Variants in HS3ST4 observed in about 807,000 individuals in gnomAD.
The protein encoded by HS3ST4 is heparan sulfate-glucosamine 3-sulfotransferase 4, also known as heparan sulfate glucosamine 3-O-sulfotransferase 4.
HS3ST4 carries 17 observed loss-of-function variants against 29.2 expected under a neutral mutation model. The observed-to-expected ratio is 0.58, with a 90% CI of 0.40 to 0.87. The LOEUF (loss-of-function observed/expected upper bound fraction) is 0.87. HS3ST4 is among the 40% of genes least tolerant of loss of function. HS3ST4 has a pLI of 0.00. For missense variants in HS3ST4, 627 were observed against 634.5 expected (o/e 0.99, Z 0.13); for synonymous variants, 314 against 285.7 (o/e 1.10, Z -1.00).
intron 1 of HS3ST4, among the ~76,000 whole-genome samples, chr16:25,989,459 C>T (rs1045108076): frequency 6.6e-6 from 1 of 152,142 alleles, no homozygotes; most frequent in Non-Finnish European, 1.5e-5. Flanking sequence ...AGGAAAGGTC[C>T]GATGGATTTC....
chr16:25,937,977 G>T (rs543191142), intron 1 of HS3ST4, among the ~76,000 whole-genome samples: 7 of 152,254 alleles, frequency 4.6e-5, no homozygotes, highest in African/African-American at 1.7e-4. Context: ...AGGGAAATGC[G>T]CAGGGTTGGA....
chr16:25,945,685 A>T (rs1018111034), intron 1 of HS3ST4, among the ~76,000 whole-genome samples: 1 of 152,182 alleles, frequency 6.6e-6, no homozygotes, highest in Non-Finnish European at 1.5e-5. Flanking sequence ...ATACCACTGC[A>T]GTTGATTTTG....
intron 1 of HS3ST4, among the ~76,000 whole-genome samples, chr16:25,847,990 G>C (rs1967482716): frequency 1.3e-5 from 2 of 152,036 alleles, no homozygotes; most frequent in South Asian, 4.1e-4. Flanking sequence ...TTTTATGTTT[G>C]TCTTTGAGAA....
chr16:25,799,822 A>G lies in HS3ST4; in HGVS notation c.734+106671A>G, dbSNP rs144364536. On this transcript the variant is annotated intron_variant, in intron 1 of 1. Transcript: ENST00000331351. Reference sequence around the variant, plus strand: ...GATAGTTCTGTCTGTCTGTCTATCTATCTATGTATCTACCCATCTATCTAT... The same window carrying G: ...GATAGTTCTGTCTGTCTGTCTATCTGTCTATGTATCTACCCATCTATCTAT... Among the ~76,000 whole-genome samples, 544 of 152,242 alleles carry G rather than the reference A, an allele frequency of 3.6e-3. 2 individuals are homozygous for G. The highest frequency in any genetic ancestry group is 0.012 in the African/African-American group (507 of 41,538).
At chr16:25,852,846 G>A (rs903720516) in intron 1 of HS3ST4, among the ~76,000 whole-genome samples, 4 of 151,970 alleles carry the variant, frequency 2.6e-5, no homozygotes, top group Non-Finnish European at 4.4e-5. Context: ...AATTTTTAAC[G>A]TTGAAGTTTT....
At chr16:25,750,748 G>A (rs559646637) in intron 1 of HS3ST4, among the ~76,000 whole-genome samples, 3 of 152,284 alleles carry the variant, frequency 2.0e-5, no homozygotes, top group South Asian at 4.1e-4. Context: ...GCATGTGAAC[G>A]TGTATGCCTG....
chr16:25,998,482 A>G (rs12446437), intron 1 of HS3ST4, among the ~76,000 whole-genome samples: 19,039 of 152,198 alleles, frequency 0.13, 1,561 homozygotes, highest in East Asian at 0.28. Context: ...AGGTGTGACT[A>G]CTTTCCTGGC....
chr16:26,010,024 A>G (rs975605402), intron 1 of HS3ST4, among the ~76,000 whole-genome samples: 16 of 152,142 alleles, frequency 1.1e-4, no homozygotes, highest in Admixed American at 8.5e-4. Context: ...TTCAACTAAC[A>G]TTTTAAGAAT....
At chr16:26,041,525 G>A (rs138581123) in intron 1 of HS3ST4, among the ~76,000 whole-genome samples, 165 of 152,200 alleles carry the variant, frequency 1.1e-3, no homozygotes, top group Admixed American at 8.6e-3. Context: ...AATCCTGTAG[G>A]TGATTCTGAT....
intron 1 of HS3ST4, among the ~76,000 whole-genome samples, chr16:25,854,495 G>T (rs1967554924): frequency 6.6e-6 from 1 of 152,068 alleles, no homozygotes; most frequent in Non-Finnish European, 1.5e-5. Context: ...TATCAGCAAG[G>T]TCTTTGTGAC....
At chr16:25,814,889 A>G (rs1967078091) in intron 1 of HS3ST4, among the ~76,000 whole-genome samples, 1 of 152,230 alleles carries the variant, frequency 6.6e-6, no homozygotes, top group South Asian at 2.1e-4. Flanking sequence ...TAAGACATAT[A>G]GAGACGCATC....
intron 1 of HS3ST4, among the ~76,000 whole-genome samples, chr16:25,702,264 T>C (rs1003302877): frequency 5.3e-5 from 8 of 152,326 alleles, no homozygotes; most frequent in African/African-American, 1.9e-4. Flanking sequence ...GAAACAATAA[T>C]AGAATTCATT....
At chr16:25,918,026 G>C (rs182475992) in intron 1 of HS3ST4, among the ~76,000 whole-genome samples, 59 of 152,058 alleles carry the variant, frequency 3.9e-4, no homozygotes, top group Admixed American at 1.1e-3. Flanking sequence ...GAGATAGGGT[G>C]GGGGGGAGCA....
rs111924892 is a variant in HS3ST4 at position 25,703,899 on chromosome 16, C to T, written c.734+10748C>T. 6.9e-3 allele frequency among the ~76,000 whole-genome samples: 1,049 copies of T among 152,308 alleles called. 3 individuals are homozygous for T. The highest frequency in any genetic ancestry group is 0.012 in the Non-Finnish European group (803 of 68,032). ...ACTACCTAATTTAAATAACTTCTTC[C>T]ACTTCTGAGCTTGTTATGCTGTTTT... On this transcript the variant is annotated intron_variant, in intron 1 of 1. Transcript: ENST00000331351.
intron 1 of HS3ST4, among the ~76,000 whole-genome samples, chr16:26,107,396 A>G (rs1312524083): frequency 2.6e-5 from 4 of 152,138 alleles, no homozygotes; most frequent in Non-Finnish European, 5.9e-5. Context: ...ATACATGCAC[A>G]TATGTATTTC....
chr16:25,969,867 T>C (rs1968879430), intron 1 of HS3ST4, among the ~76,000 whole-genome samples: 1 of 152,208 alleles, frequency 6.6e-6, no homozygotes, highest in African/African-American at 2.4e-5. Context: ...GAGCTGGTTA[T>C]TCAGTGTGAG....
At chr16:25,907,151 G>A (rs929265321) in intron 1 of HS3ST4, among the ~76,000 whole-genome samples, 2 of 152,096 alleles carry the variant, frequency 1.3e-5, no homozygotes, top group African/African-American at 2.4e-5. Flanking sequence ...AGCTATGATG[G>A]CACCACTGCA....
chr16:25,793,974 A>G (rs1966876071), intron 1 of HS3ST4, among the ~76,000 whole-genome samples: 1 of 151,780 alleles, frequency 6.6e-6, no homozygotes, highest in Non-Finnish European at 1.5e-5. Context: ...GAATTTTTAA[A>G]TGTGCTGGAA....
At chr16:25,899,383 G>C (rs1306345906) in intron 1 of HS3ST4, among the ~76,000 whole-genome samples, 1 of 152,222 alleles carries the variant, frequency 6.6e-6, no homozygotes. Context: ...TTTCTCTGTA[G>C]AAGCTGAAAA....
Sources: gnomAD v4.1 joint callset for allele counts (sites outside exome capture counted in the v4.1 genomes callset) on GRCh38, gnomAD v4.1.1 for gene constraint, MANE v1.5 for transcripts, NCBI Gene and HGNC (gene_info 2026-07-23, HGNC 2026-07-21) for gene names.